Variants in CADM2 observed in about 807,000 individuals in gnomAD.
The protein encoded by CADM2 is cell adhesion molecule 2.
Under a neutral mutation model 49.8 loss-of-function variants are expected in CADM2, and 12 were observed. That is an observed-to-expected ratio of 0.24 (90% CI 0.15 to 0.39). The LOEUF (loss-of-function observed/expected upper bound fraction) is 0.39. Ranked by LOEUF, CADM2 falls within the 10% of genes least tolerant of loss-of-function variation. The probability of loss-of-function intolerance (pLI) is 1.00; values close to 1 mark genes in which losing one functional copy is unlikely to be tolerated. For missense variants in CADM2, 378 were observed against 492.3 expected (o/e 0.77, Z 2.20); for synonymous variants, 214 against 175.4 (o/e 1.22, Z -1.74).
intron 1 of CADM2, among the ~76,000 whole-genome samples, chr3:84,980,220 T>G (rs2032088404): frequency 6.6e-6 from 1 of 152,166 alleles, no homozygotes; most frequent in African/African-American, 2.4e-5. Flanking sequence ...ACACAGTTGC[T>G]TTCGAGTCTG....
intron 1 of CADM2, among the ~76,000 whole-genome samples, chr3:85,009,387 G>T (rs1160204444): frequency 6.6e-6 from 1 of 152,124 alleles, no homozygotes; most frequent in Non-Finnish European, 1.5e-5. Flanking sequence ...AAAGTCCTTA[G>T]TTCTAATTTC....
intron 8 of CADM2, among the ~76,000 whole-genome samples, chr3:86,010,619 T>C (rs12629011): frequency 0.23 from 34,338 of 150,950 alleles, 4,247 homozygotes; most frequent in East Asian, 0.33. Flanking sequence ...TGTCAAACAT[T>C]TTCACTGGTG....
chr3:85,604,869 A>G (rs1043173846), intron 1 of CADM2, among the ~76,000 whole-genome samples: 2 of 151,950 alleles, frequency 1.3e-5, no homozygotes, highest in African/African-American at 2.4e-5. Flanking sequence ...ATGCCACTTT[A>G]CGCTTATATC....
chr3:85,241,479 T>C (rs1405861061), intron 1 of CADM2, among the ~76,000 whole-genome samples: 6 of 151,514 alleles, frequency 4.0e-5, no homozygotes, highest in African/African-American at 1.4e-4. Flanking sequence ...TTCAGAATTA[T>C]AAATCTAAAT....
chr3:85,017,736 T>G (rs2034314621), intron 1 of CADM2, among the ~76,000 whole-genome samples: 1 of 152,216 alleles, frequency 6.6e-6, no homozygotes, highest in Admixed American at 6.5e-5. Context: ...CATTTCTCTG[T>G]AAACTAAATT....
At chr3:86,064,685 A>T (rs1420513401) in intron 8 of CADM2, among the ~76,000 whole-genome samples, 4 of 152,166 alleles carry the variant, frequency 2.6e-5, no homozygotes, top group Non-Finnish European at 5.9e-5. Flanking sequence ...GAGAAATGCA[A>T]ATCAAAACCA....
chr3:85,246,499 A>T (rs1210691003), intron 1 of CADM2, among the ~76,000 whole-genome samples: 1 of 152,154 alleles, frequency 6.6e-6, no homozygotes, highest in Non-Finnish European at 1.5e-5. Flanking sequence ...GTACTGAGGT[A>T]TATTGAATAA....
At chr3:85,526,009 A>G (rs888611142) in intron 1 of CADM2, among the ~76,000 whole-genome samples, 7 of 152,014 alleles carry the variant, frequency 4.6e-5, no homozygotes, top group Non-Finnish European at 1.0e-4. Context: ...TATCATTATC[A>G]TTTTTATTTT....
At chr3:85,095,700 C>A (rs1225476399) in intron 1 of CADM2, among the ~76,000 whole-genome samples, 1 of 152,200 alleles carries the variant, frequency 6.6e-6, no homozygotes, top group East Asian at 1.9e-4. Context: ...TTTGAAAATT[C>A]CTACTAGAGA....
At chr3:85,250,734 G>C (rs187052857) in intron 1 of CADM2, among the ~76,000 whole-genome samples, 98 of 151,732 alleles carry the variant, frequency 6.5e-4, no homozygotes, top group African/African-American at 2.2e-3. Context: ...TAAGATGTCT[G>C]TTTTTACAGA....
intron 2 of CADM2, among the ~76,000 whole-genome samples, chr3:85,731,137 C>T (rs1221402910): frequency 6.6e-6 from 1 of 151,858 alleles, no homozygotes; most frequent in African/African-American, 2.4e-5. Flanking sequence ...TGCTATAAAG[C>T]CAAAATATGA....
intron 1 of CADM2, among the ~76,000 whole-genome samples, chr3:85,295,415 A>T (rs2043931302): frequency 6.6e-6 from 1 of 152,196 alleles, no homozygotes; most frequent in Non-Finnish European, 1.5e-5. Context: ...TAGAAATACC[A>T]TTTGACGCAG....
chr3:85,670,173 G>A (rs754298973), intron 1 of CADM2, among the ~76,000 whole-genome samples: 3 of 151,944 alleles, frequency 2.0e-5, no homozygotes, highest in Non-Finnish European at 4.4e-5. Context: ...ATCTGGCCTC[G>A]GTAAATAGTG....
intron 1 of CADM2, among the ~76,000 whole-genome samples, chr3:85,289,577 A>T (rs1382673308): frequency 6.6e-6 from 1 of 152,148 alleles, no homozygotes; most frequent in Non-Finnish European, 1.5e-5. Context: ...CATAGTCTAA[A>T]TTGATTTGTT....
At chr3:85,478,466 T>C (rs985086430) in intron 1 of CADM2, among the ~76,000 whole-genome samples, 2 of 151,888 alleles carry the variant, frequency 1.3e-5, no homozygotes, top group Non-Finnish European at 2.9e-5. Flanking sequence ...CAAGATGTTT[T>C]TGAGTGGTAA....
chr3:85,734,683 T>A (rs919502372), intron 2 of CADM2, among the ~76,000 whole-genome samples: 1 of 147,800 alleles, frequency 6.8e-6, no homozygotes, highest in African/African-American at 2.5e-5. Flanking sequence ...ATGTATATTT[T>A]AAATATAATA....
chr3:85,153,835 A>G (rs2040012811), intron 1 of CADM2, among the ~76,000 whole-genome samples: 2 of 152,140 alleles, frequency 1.3e-5, no homozygotes, highest in Non-Finnish European at 2.9e-5. Flanking sequence ...GCAGACTGAC[A>G]CCTCACATGG....
intron 3 of CADM2, among the ~76,000 whole-genome samples, chr3:85,859,429 A>G (rs1559705588): frequency 6.6e-6 from 1 of 151,768 alleles, no homozygotes; most frequent in East Asian, 1.9e-4. Context: ...ACGAGGTTTC[A>G]CCATGTTGGC....
chr3:85,165,626 A>G (rs1702212162), intron 1 of CADM2, among the ~76,000 whole-genome samples: 1 of 151,906 alleles, frequency 6.6e-6, no homozygotes, highest in Non-Finnish European at 1.5e-5. Flanking sequence ...TGTCTTAGGA[A>G]ATGAATAAAT....
Sources: allele counts gnomAD v4.1 joint callset (sites outside exome capture counted in the v4.1 genomes callset), GRCh38; gene constraint gnomAD v4.1.1; transcripts MANE v1.5; gene names NCBI Gene and HGNC (gene_info 2026-07-23, HGNC 2026-07-21).